EPYC: variants seen among roughly 807,000 people sequenced by gnomAD.
EPYC encodes the protein epiphycan.
Under a neutral mutation model 30.1 loss-of-function variants are expected in EPYC, and 28 were observed. The observed-to-expected ratio is 0.93, with a 90% confidence interval of 0.69 to 1.28. The LOEUF (loss-of-function observed/expected upper bound fraction) is 1.28, where lower values mean the gene tolerates loss of function less well. EPYC is among the 50% of genes most tolerant of loss of function. The pLI is 0.00. For missense variants in EPYC, 382 were observed against 383.5 expected (o/e 1.00, Z 0.03); for synonymous variants, 144 against 141.4 (o/e 1.02, Z -0.13).
chr12:90,997,894 A>G (rs1877731801), intron 2 of EPYC, among the ~76,000 whole-genome samples: 1 of 152,058 alleles, frequency 6.6e-6, no homozygotes, highest in Non-Finnish European at 1.5e-5. Context: ...CAGTTCAACT[A>G]AAACAAATAT....
At chr12:91,003,561 C>T (rs761645133) in intron 1 of EPYC, among the ~76,000 whole-genome samples, 1 of 151,892 alleles carries the variant, frequency 6.6e-6, no homozygotes, top group Non-Finnish European at 1.5e-5. Flanking sequence ...TGTATGTACT[C>T]ATTTGAATAC....
chr12:90,999,637 C>A (rs1877775085), intron 2 of EPYC, among the ~76,000 whole-genome samples: 1 of 152,060 alleles, frequency 6.6e-6, no homozygotes, highest in Admixed American at 6.6e-5. Context: ...TGAAACAACT[C>A]ACCTTAATAT....
chr12:91,004,632 G>A (rs1565877936), intron 1 of EPYC, among the ~76,000 whole-genome samples: 1 of 151,914 alleles, frequency 6.6e-6, no homozygotes, highest in East Asian at 1.9e-4. Flanking sequence ...AATAGTGCCT[G>A]TCTATACTGG....
intron 2 of EPYC, among the ~76,000 whole-genome samples, chr12:90,985,497 G>A (rs182711591): frequency 1.4e-3 from 208 of 152,190 alleles, no homozygotes; most frequent in African/African-American, 4.6e-3. Context: ...GGGACCAAGA[G>A]GAACAGGCTG....
intron 4 of EPYC, among the ~76,000 whole-genome samples, 177 bp from the exon 5 acceptor site, chr12:90,972,179 T>C (rs1877068555): frequency 1.3e-5 from 2 of 152,330 alleles, no homozygotes; most frequent in African/African-American, 4.8e-5. Flanking sequence ...TTTATGTACT[T>C]AGGAGTATAA....
chr12:90,989,231 T>C (rs1283368895), intron 2 of EPYC, among the ~76,000 whole-genome samples: 2 of 152,092 alleles, frequency 1.3e-5, no homozygotes, highest in East Asian at 1.9e-4. Context: ...TGTTGCTTTA[T>C]CCTCTGATTT....
chr12:90,972,587 T>C (rs962538734), intron 4 of EPYC: 1 of 360,696 alleles, frequency 2.8e-6, no homozygotes, highest in African/African-American at 2.1e-5. Flanking sequence ...GCATATTTAG[T>C]TTAAATTGCT....
intron 1 of EPYC, among the ~76,000 whole-genome samples, chr12:91,004,210 A>G (rs1398455804): frequency 6.6e-6 from 1 of 152,118 alleles, no homozygotes; most frequent in Non-Finnish European, 1.5e-5. Flanking sequence ...CATTATTCAA[A>G]GAAATTATAC....
At chr12:90,995,231 G>C (rs139088432) in intron 2 of EPYC, among the ~76,000 whole-genome samples, 47 of 152,158 alleles carry the variant, frequency 3.1e-4, no homozygotes, top group African/African-American at 9.9e-4. Flanking sequence ...GGCAAAGCTT[G>C]CTCAATCCTC....
rs758493947 is a variant in EPYC, at chr12:90,964,181, C to T, written c.944G>A (p.Arg315His). The T allele has an allele frequency of 1.2e-5, 19 of 1,611,852 alleles. No homozygotes were observed. The highest frequency in any genetic ancestry group is 8.0e-5 in the African/African-American group (6 of 74,870). The stretch of plus-strand genomic sequence containing the variant: ...TTAGACAAGGCTCCCAACAGGCAGA[C>T]GAGGTAGACACATGTATGCTTGAGG... The part of the protein sequence containing the change: ...KTPQAYMCLP[R>H]LPVGSLV The change falls in exon 7 of 7, where the codon CGT becomes CAT. Residue 315 changes from arginine to histidine, a missense_variant. By Grantham distance (29) the Arg-to-His change is conservative. Transcript: ENST00000261172.
intron 2 of EPYC, among the ~76,000 whole-genome samples, chr12:90,993,388 C>T (rs1458663290): frequency 6.6e-6 from 1 of 152,038 alleles, no homozygotes; most frequent in African/African-American, 2.4e-5. Flanking sequence ...GGGTACACCT[C>T]GCCTTTATCA....
At chr12:90,967,427 A>T (rs564090124) in intron 6 of EPYC, among the ~76,000 whole-genome samples, 17 of 151,802 alleles carry the variant, frequency 1.1e-4, no homozygotes, top group African/African-American at 4.1e-4. Flanking sequence ...TTTTTTGTTG[A>T]TTTCTAATGC....
intron 6 of EPYC, among the ~76,000 whole-genome samples, chr12:90,966,902 G>T (rs371884518): frequency 6.6e-6 from 1 of 151,900 alleles, no homozygotes; most frequent in East Asian, 1.9e-4. Context: ...AATCTAATTT[G>T]TTGGTTTACA....
intron 6 of EPYC, among the ~76,000 whole-genome samples, chr12:90,969,646 C>T (rs1882146): frequency 0.89 from 134,452 of 151,830 alleles, 59,541 homozygotes; most frequent in South Asian, 0.95. Flanking sequence ...CAGGCTGAAA[C>T]TGATGTTTTT....
At chr12:90,976,415 A>C (rs1386190973) in intron 3 of EPYC, among the ~76,000 whole-genome samples, 1 of 152,138 alleles carries the variant, frequency 6.6e-6, no homozygotes, top group Non-Finnish European at 1.5e-5. Context: ...TCTATAAGGT[A>C]AGTTCTATTA....
At chr12:90,969,284 A>G (rs1455949163) in intron 6 of EPYC, among the ~76,000 whole-genome samples, 1 of 151,940 alleles carries the variant, frequency 6.6e-6, no homozygotes. Context: ...TATTTATTCC[A>G]TAGAACAGAT....
intron 6 of EPYC, among the ~76,000 whole-genome samples, chr12:90,968,816 G>A (rs1876963177): frequency 6.6e-6 from 1 of 151,720 alleles, no homozygotes; most frequent in South Asian, 2.1e-4. Context: ...TACTCCCTTG[G>A]AAATCTTTCC....
At chr12:90,979,174 A>C (rs1176063746) in intron 2 of EPYC, among the ~76,000 whole-genome samples, 1 of 152,130 alleles carries the variant, frequency 6.6e-6, no homozygotes, top group Non-Finnish European at 1.5e-5. Context: ...TGTGGTACTT[A>C]GTAAATGTCT....
intron 5 of EPYC, among the ~76,000 whole-genome samples, 194 bp from the exon 6 acceptor site, chr12:90,970,333 G>A (rs1877009700): frequency 6.6e-6 from 1 of 152,148 alleles, no homozygotes; most frequent in African/African-American, 2.4e-5. Context: ...ATGAGTTTTG[G>A]AAAAATTGGC....
Sources: allele counts gnomAD v4.1 joint callset (sites outside exome capture counted in the v4.1 genomes callset), GRCh38; gene constraint gnomAD v4.1.1; transcripts MANE v1.5; gene names NCBI Gene and HGNC (gene_info 2026-07-23, HGNC 2026-07-21).